The following GOLGA4 variants were observed in gnomAD, a reference collection of about 807,000 sequenced individuals.
GOLGA4 encodes the protein golgin subfamily A member 4.
In GOLGA4, 169 loss-of-function variants were observed where a neutral mutation model predicts 265.9. That is an observed-to-expected ratio of 0.64 (90% CI 0.56 to 0.72). GOLGA4 has a LOEUF of 0.72. GOLGA4 is among the 30% of genes least tolerant of loss of function. The pLI is 0.00. For missense variants in GOLGA4, 2,482 were observed against 2,483.4 expected (o/e 1.00, Z 0.01); for synonymous variants, 923 against 855.8 (o/e 1.08, Z -1.37).
intron 2 of GOLGA4, among the ~76,000 whole-genome samples, chr3:37,258,282 G>GATATATATAGAGCATAT (rs2096759844): frequency 1.4e-5 from 2 of 147,758 alleles, no homozygotes; most frequent in Non-Finnish European, 3.0e-5. Context: ...GCATATATAT[G>GATATATATAGAGCATAT]ATATATATAG....
chr3:37,355,294 A>T (rs74413368), intron 22 of GOLGA4, 107 bp downstream of exon 22: 1 of 660,182 alleles, frequency 1.5e-6, no homozygotes, highest in Non-Finnish European at 2.7e-6. Context: ...TAAGATTTCA[A>T]ATCTTTATTA....
chr3:37,300,019 G>A (rs990273146), intron 9 of GOLGA4, among the ~76,000 whole-genome samples: 3 of 152,070 alleles, frequency 2.0e-5, no homozygotes, highest in Non-Finnish European at 4.4e-5. Context: ...CTAGTGTACT[G>A]CAGCCTGGGT....
rs895612763 is a variant in GOLGA4, at chr3:37,269,879, G to T, written c.163-12079G>T. Among the ~76,000 whole-genome samples the T allele has an allele frequency of 2.8e-5, 4 of 145,342 alleles. No homozygotes were observed. In the Admixed American group the frequency reaches 2.8e-4, roughly 10 times the overall value. ...TGGGGTGATATTTCAAACAATTGTAGGGTAGCTTTTTTTTTTTTTTTTTTT... is the reference window on the plus strand; with the variant it reads ...TGGGGTGATATTTCAAACAATTGTATGGTAGCTTTTTTTTTTTTTTTTTTT... On this transcript the variant is annotated intron_variant, in intron 2 of 23. Coordinates refer to ENST00000361924, the MANE Select transcript of GOLGA4 (RefSeq NM_002078.5).
intron 2 of GOLGA4, among the ~76,000 whole-genome samples, chr3:37,278,280 A>T (rs1268749843): frequency 1.3e-5 from 2 of 151,942 alleles, no homozygotes; most frequent in Non-Finnish European, 2.9e-5. Flanking sequence ...GCTCACTGCA[A>T]CCTCTGCCTC....
chr3:37,296,212 G>A lies in GOLGA4; in HGVS notation c.807G>A (p.Glu269=), dbSNP rs1201231953. ...AAGAGAATCCAGAAAGTGATGGAGA[G>A]CCAGTAGGTAAGCTTCATTTTGTCA... ...TKEENPESDG[E]PVVEDGTSVK... Residue 269 remains glutamate (E), a synonymous_variant, in exon 7 of 24, where the codon GAG becomes GAA. Coordinates refer to ENST00000361924, the MANE Select transcript of GOLGA4 (RefSeq NM_002078.5). The A allele has an allele frequency of 1.3e-5, 21 of 1,613,986 alleles. No individual in the cohort carries two copies. The East Asian group carries it at 4.7e-4, about 36-fold the overall frequency.
At chr3:37,294,007 T>C (rs1468776812) in intron 5 of GOLGA4, among the ~76,000 whole-genome samples, 1 of 152,202 alleles carries the variant, frequency 6.6e-6, no homozygotes, top group Non-Finnish European at 1.5e-5. Flanking sequence ...AAATACGTTA[T>C]TATAATCTTA....
At chr3:37,283,073 G>T (rs1559379675) in intron 3 of GOLGA4, among the ~76,000 whole-genome samples, 1 of 152,060 alleles carries the variant, frequency 6.6e-6, no homozygotes, top group East Asian at 1.9e-4. Context: ...TTTAATTAAT[G>T]AATACTAAAG....
intron 10 of GOLGA4, among the ~76,000 whole-genome samples, chr3:37,309,556 A>AAAAC (rs1208184572): frequency 6.6e-6 from 1 of 152,284 alleles, no homozygotes; most frequent in Non-Finnish European, 1.5e-5. Context: ...CTCTTGTCTC[A>AAAAC]AAACAAACAA....
At position 37,335,113 on chromosome 3, in the gene GOLGA4, C is replaced by T. The variant is rs1559450249; in HGVS notation, c.6253C>T (p.Gln2085Ter). Residue 2085 changes from glutamine to a stop codon, truncating the protein, a stop_gained, in exon 17 of 24, where the codon CAG becomes TAG. Coordinates refer to ENST00000361924, the MANE Select transcript of GOLGA4 (RefSeq NM_002078.5). LOFTEE classifies it high-confidence loss of function. ...CCTGCAGACTCAACTTGAGGAGCTG[C>T]AGAAGAAATACCAGCAAAAGCTAGA... ...RDLQTQLEELQKKYQQKLEQE... is the reference protein window; with the variant it reads ...RDLQTQLEEL The T allele has an allele frequency of 6.2e-7, 1 of 1,609,302 alleles. No homozygotes were observed. Among genetic ancestry groups the T allele is most frequent in the Non-Finnish European group, 8.5e-7 (1 of 1,177,272 alleles).
chr3:37,289,631 A>G (rs1578524478), intron 5 of GOLGA4, among the ~76,000 whole-genome samples: 1 of 152,190 alleles, frequency 6.6e-6, no homozygotes, highest in Admixed American at 6.5e-5. Flanking sequence ...AAAATAAATT[A>G]TGTTTACTGT....
Position 37,366,155 on chromosome 3 carries a change from C to G in GOLGA4, c.*109C>G, listed in dbSNP as rs953797045. The G allele has an allele frequency of 7.0e-7, 1 of 1,428,518 alleles. No homozygotes were observed. Among genetic ancestry groups the G allele is most frequent in the African/African-American group, 1.4e-5 (1 of 70,188 alleles). The allele number at this position is 1,428,518 out of a possible 1,614,324, so 88.5% of individuals were successfully genotyped here. ...CTTGGAAAACTGTCCACACTTGCTA[C>G]TCTTTGAGAATGAAGTTGTCATTCA... On this transcript the variant is annotated 3_prime_UTR_variant, in exon 24 of 24. Transcript: ENST00000361924.
intron 5 of GOLGA4, among the ~76,000 whole-genome samples, chr3:37,289,942 T>C (rs1342770550): frequency 1.3e-5 from 2 of 152,234 alleles, no homozygotes; most frequent in East Asian, 3.8e-4. Flanking sequence ...TTGAAGAATA[T>C]CTTGTTACCT....
rs2096968892 is a variant in GOLGA4, at chr3:37,325,871, A to G, written c.3985A>G (p.Asn1329Asp). ...AGAAGCCTTACAGAAGGAAGGAGGC[A>G]ATCAGCAACAGGCTGCTTCTGAAAA... is the stretch of plus-strand genomic sequence containing the variant. The part of the protein sequence containing the change: ...EKEALQKEGG[N>D]QQQAASEKES... Residue 1329 changes from asparagine to aspartate, a missense_variant, in exon 14 of 24, where the codon AAT (asparagine) becomes GAT (aspartate). Transcript: ENST00000361924. 3 of 1,613,762 alleles carry G rather than the reference A, an allele frequency of 1.9e-6. No individual in the cohort carries two copies. The highest frequency in any genetic ancestry group is 1.7e-6 in the Non-Finnish European group (2 of 1,179,784).
intron 23 of GOLGA4, among the ~76,000 whole-genome samples, 191 bp downstream of exon 23, chr3:37,361,496 GTT>G (rs568394661): frequency 8.9e-4 from 136 of 152,302 alleles, no homozygotes; most frequent in Middle Eastern, 6.8e-3. Flanking sequence ...ACCAGTAAGA[GTT>G]ATATAATTTT....
Position 37,324,460 on chromosome 3 carries a change from T to C in GOLGA4, c.2574T>C (p.Ala858=), listed in dbSNP as rs1445879227. The C allele has an allele frequency of 1.2e-6, 2 of 1,614,020 alleles. No homozygotes were observed. Among genetic ancestry groups the C allele is most frequent in the Non-Finnish European group, 1.7e-6 (2 of 1,180,018 alleles). ...AAGATGTTTGTACTGAGTTAGATGC[T>C]CACAAAATCCAGGTGCAGGACTTAA... ...QKKDVCTELD[A]HKIQVQDLMQ... is the part of the protein sequence containing the mutation. The change falls in exon 14 of 24, where the codon GCT becomes GCC. Residue 858 remains alanine, a synonymous_variant. Transcript: ENST00000361924.
At chr3:37,313,047 A>G (rs994759723) in intron 10 of GOLGA4, among the ~76,000 whole-genome samples, 4 of 152,152 alleles carry the variant, frequency 2.6e-5, no homozygotes, top group African/African-American at 9.7e-5. Context: ...TACTAAAAAT[A>G]CAGAAATTAG....
At chr3:37,265,527 T>TAAG (rs1407077471) in intron 2 of GOLGA4, among the ~76,000 whole-genome samples, 13 of 152,176 alleles carry the variant, frequency 8.5e-5, no homozygotes, top group African/African-American at 3.1e-4. Context: ...TTTGTGTTCT[T>TAAG]TACTATGCAT....
chr3:37,248,886 A>G (rs1254535863), intron 1 of GOLGA4, among the ~76,000 whole-genome samples: 1 of 152,202 alleles, frequency 6.6e-6, no homozygotes, highest in African/African-American at 2.4e-5. Flanking sequence ...CTTTCCTGGC[A>G]TCTGGATATT....
intron 2 of GOLGA4, among the ~76,000 whole-genome samples, chr3:37,257,379 C>T (rs2096751774): frequency 6.6e-6 from 1 of 152,044 alleles, no homozygotes; most frequent in South Asian, 2.1e-4. Context: ...CCTGGATCAG[C>T]CCAAGTTTAC....
Sources: allele counts gnomAD v4.1 joint callset (sites outside exome capture counted in the v4.1 genomes callset), GRCh38; gene constraint gnomAD v4.1.1; transcripts MANE v1.5; gene names NCBI Gene and HGNC (gene_info 2026-07-23, HGNC 2026-07-21).